Variants in CADM2 observed in about 807,000 individuals in gnomAD.
CADM2 encodes immunoglobulin superfamily member 4D.
CADM2 carries 12 observed loss-of-function variants against 49.8 expected under a neutral mutation model. That is an observed-to-expected ratio of 0.24 (90% CI 0.15 to 0.39). The LOEUF (loss-of-function observed/expected upper bound fraction) is 0.39, where lower values mean the gene tolerates loss of function less well. Among genes scored for constraint, CADM2 ranks in the 10% least tolerant of loss-of-function variants. The pLI is 1.00. For missense variants in CADM2, 378 were observed against 492.3 expected (o/e 0.77, Z 2.20); for synonymous variants, 214 against 175.4 (o/e 1.22, Z -1.74).
At chr3:85,609,237 G>A (rs543609109) in intron 1 of CADM2, among the ~76,000 whole-genome samples, 1 of 152,006 alleles carries the variant, frequency 6.6e-6, no homozygotes. Flanking sequence ...CTTGTACTCC[G>A]AGAGGTGTTA....
intron 2 of CADM2, among the ~76,000 whole-genome samples, chr3:85,790,414 C>A (rs2071254285): frequency 6.6e-6 from 1 of 152,184 alleles, no homozygotes; most frequent in Non-Finnish European, 1.5e-5. Context: ...GGGGTTATCC[C>A]ATAAGTTCCC....
intron 1 of CADM2, among the ~76,000 whole-genome samples, chr3:85,541,792 T>C (rs1273835323): frequency 7.0e-6 from 1 of 142,926 alleles, no homozygotes; most frequent in Non-Finnish European, 1.5e-5. Context: ...TATATATATA[T>C]ATGTATAGTG....
intron 1 of CADM2, among the ~76,000 whole-genome samples, chr3:85,604,105 G>GTGAATGGAGAGAA (rs1273856789): frequency 6.6e-6 from 1 of 151,868 alleles, no homozygotes; most frequent in Non-Finnish European, 1.5e-5. Context: ...ATCATCATAT[G>GTGAATGGAGAGAA]TAGGAGAGAA....
intron 1 of CADM2, among the ~76,000 whole-genome samples, chr3:85,647,416 A>G (rs2064921004): frequency 6.6e-6 from 1 of 151,676 alleles, no homozygotes; most frequent in African/African-American, 2.4e-5. Context: ...TGGAATATAT[A>G]TATTTGTGCA....
At chr3:85,822,374 AGGAGT>A (rs1244304266) in intron 3 of CADM2, among the ~76,000 whole-genome samples, 1 of 152,120 alleles carries the variant, frequency 6.6e-6, no homozygotes, top group Non-Finnish European at 1.5e-5. Flanking sequence ...ACTTGAGGTC[AGGAGT>A]TCAAGACCAG....
At chr3:85,688,634 C>G (rs2066287748) in intron 1 of CADM2, among the ~76,000 whole-genome samples, 1 of 148,488 alleles carries the variant, frequency 6.7e-6, no homozygotes, top group Admixed American at 6.8e-5. Flanking sequence ...GGGGCATGAT[C>G]TTATCTCACT....
intron 1 of CADM2, among the ~76,000 whole-genome samples, chr3:85,588,119 GA>G (rs2062994289): frequency 6.6e-6 from 1 of 151,858 alleles, no homozygotes; most frequent in Non-Finnish European, 1.5e-5. Flanking sequence ...ACTCATTTCA[GA>G]AATAATTTGT....
chr3:85,049,442 C>G (rs1221013473), intron 1 of CADM2, among the ~76,000 whole-genome samples: 1 of 151,762 alleles, frequency 6.6e-6, no homozygotes, highest in Non-Finnish European at 1.5e-5. Flanking sequence ...GCTCCGCCTC[C>G]CGGGTTCACG....
intron 2 of CADM2, among the ~76,000 whole-genome samples, chr3:85,759,614 A>C (rs1352369355): frequency 2.0e-5 from 3 of 152,152 alleles, no homozygotes; most frequent in Non-Finnish European, 4.4e-5. Flanking sequence ...CTGTTTATTC[A>C]TAAGCTGCCA....
chr3:85,372,546 A>C (rs1386876338), intron 1 of CADM2, among the ~76,000 whole-genome samples: 1 of 152,058 alleles, frequency 6.6e-6, no homozygotes, highest in Non-Finnish European at 1.5e-5. Flanking sequence ...AACAATTTTA[A>C]CTAGGTAGAG....
At chr3:85,411,646 G>T (rs190403251) in intron 1 of CADM2, among the ~76,000 whole-genome samples, 1 of 152,104 alleles carries the variant, frequency 6.6e-6, no homozygotes, top group Non-Finnish European at 1.5e-5. Flanking sequence ...TTTCTGAAGG[G>T]TAGAGGAGGC....
chr3:85,542,264 G>C (rs1559898041), intron 1 of CADM2, among the ~76,000 whole-genome samples: 1 of 152,028 alleles, frequency 6.6e-6, no homozygotes. Flanking sequence ...ATATCTTACT[G>C]CTATAATACC....
At chr3:85,044,340 A>G (rs1376569534) in intron 1 of CADM2, among the ~76,000 whole-genome samples, 1 of 152,188 alleles carries the variant, frequency 6.6e-6, no homozygotes. Flanking sequence ...AGACCTGGGT[A>G]ATGTGAGATT....
intron 3 of CADM2, among the ~76,000 whole-genome samples, chr3:85,834,971 T>C (rs1008678473): frequency 9.9e-5 from 15 of 151,630 alleles, no homozygotes; most frequent in African/African-American, 3.1e-4. Context: ...ATTCATTCAA[T>C]GTGTGGCTAT....
intron 1 of CADM2, among the ~76,000 whole-genome samples, chr3:85,324,709 C>T (rs2044701785): frequency 6.6e-6 from 1 of 152,190 alleles, no homozygotes; most frequent in African/African-American, 2.4e-5. Context: ...TTTGTAAACT[C>T]TGTGTGAACA....
chr3:85,652,868 C>T (rs572973005), intron 1 of CADM2, among the ~76,000 whole-genome samples: 2 of 133,884 alleles, frequency 1.5e-5, no homozygotes, highest in African/African-American at 5.8e-5. Flanking sequence ...ACCTGTGCCT[C>T]CCGGGTTCAA....
intron 1 of CADM2, among the ~76,000 whole-genome samples, chr3:85,349,136 A>G (rs2031078197): frequency 6.6e-6 from 1 of 152,162 alleles, no homozygotes; most frequent in African/African-American, 2.4e-5. Flanking sequence ...TCTAAATGCC[A>G]TCTTTTATCT....
At chr3:85,299,916 G>T (rs1417205084) in intron 1 of CADM2, among the ~76,000 whole-genome samples, 1 of 151,898 alleles carries the variant, frequency 6.6e-6, no homozygotes, top group Non-Finnish European at 1.5e-5. Flanking sequence ...TTTTGTAGCA[G>T]ATCGTCAGAA....
At chr3:85,416,344 T>G (rs954630303) in intron 1 of CADM2, among the ~76,000 whole-genome samples, 14 of 152,156 alleles carry the variant, frequency 9.2e-5, no homozygotes, top group Non-Finnish European at 1.9e-4. Context: ...TTATATTTAT[T>G]TATACAATAA....
Sources: allele counts gnomAD v4.1 joint callset (sites outside exome capture counted in the v4.1 genomes callset), GRCh38; gene constraint gnomAD v4.1.1; transcripts MANE v1.5; gene names NCBI Gene and HGNC (gene_info 2026-07-23, HGNC 2026-07-21).